The following VNN1 variants were observed in gnomAD, a reference collection of about 807,000 sequenced individuals.
VNN1 encodes vanin 1, also known as pantetheinase.
Under a neutral mutation model 41.9 loss-of-function variants are expected in VNN1, and 29 were observed. The ratio of observed to expected loss-of-function variants is 0.69; its 90% CI spans 0.52 to 0.94. VNN1 has a LOEUF of 0.94. Ranked by LOEUF, VNN1 falls within the 40% of genes least tolerant of loss-of-function variation. The pLI is 0.00. For synonymous variants in VNN1, 233 were observed against 224.4 expected (o/e 1.04, Z -0.34); for missense variants, 637 against 621.1 (o/e 1.03, Z -0.27).
Position 132,684,480 on chromosome 6 carries a change from G to A in VNN1, c.1214C>T (p.Thr405Met), listed in dbSNP as rs139377346. The A allele has an allele frequency of 1.0e-4, 168 of 1,613,974 alleles. No individual in the cohort carries two copies. The African/African-American group carries it at 1.7e-3, about 16-fold the overall frequency. ...GTCACCGCAAGTGTTTAAATTAGTC[G>A]TTTTACATTTCAACAGGGTACAAAT... is the stretch of plus-strand genomic sequence containing the variant. ...LQICTLLKCK[T>M]TNLNTCGDSA... Residue 405 changes from threonine (T) to methionine (M), a missense_variant, in exon 6 of 7, where the codon ACG becomes ATG. Physicochemically the swap from Thr to Met is moderately conservative, Grantham distance 81. Coordinates refer to ENST00000367928, the MANE Select transcript of VNN1 (RefSeq NM_004666.3).
chr6:132,689,278 C>CACACACAT (rs953337833), intron 5 of VNN1, among the ~76,000 whole-genome samples: 7 of 152,104 alleles, frequency 4.6e-5, no homozygotes, highest in African/African-American at 1.7e-4. Flanking sequence ...GAAACACACA[C>CACACACAT]ACACACATAC....
chr6:132,687,079 G>A (rs574763499), intron 5 of VNN1, among the ~76,000 whole-genome samples: 7 of 152,164 alleles, frequency 4.6e-5, no homozygotes, highest in African/African-American at 1.7e-4. Context: ...CCAATAATAA[G>A]AGTTTCAGAA....
At position 132,692,601 on chromosome 6, in the gene VNN1, G is replaced by A; in HGVS notation, c.827-17C>T. 2.0e-6 allele frequency: 3 copies of A among 1,537,234 alleles called. No homozygotes were observed. Among genetic ancestry groups the A allele is most frequent in the East Asian group, 2.3e-5 (1 of 44,280 alleles). ...TGCCACTTCCTGGAAGTAATAAGTTGAAAACATCATTTGAAATTGGAAAGT... is the reference window on the plus strand; with the variant it reads ...TGCCACTTCCTGGAAGTAATAAGTTAAAAACATCATTTGAAATTGGAAAGT... On this transcript the variant is annotated splice_polypyrimidine_tract_variant and intron_variant, in intron 4 of 6. Transcript: ENST00000367928.
At chr6:132,690,624 C>T (rs1778268687) in intron 5 of VNN1, among the ~76,000 whole-genome samples, 1 of 152,208 alleles carries the variant, frequency 6.6e-6, no homozygotes, top group Non-Finnish European at 1.5e-5. Context: ...TTACTAAAGA[C>T]TGAATTCTTC....
chr6:132,689,105 C>A (rs1188304490), intron 5 of VNN1, among the ~76,000 whole-genome samples: 2 of 152,194 alleles, frequency 1.3e-5, no homozygotes. Context: ...ACAGGGGTCA[C>A]AAACTCCTGA....
Position 132,692,926 on chromosome 6 carries a change from A to G in VNN1, c.826+98T>C, listed in dbSNP as rs941471961. 6.1e-6 allele frequency: 8 copies of G among 1,307,094 alleles called. 1 individual carries two copies. The South Asian group carries it at 1.3e-4, about 21-fold the overall frequency. 81.0% of individuals were successfully genotyped at this position (1,307,094 alleles called of 1,614,324 possible). A position where few individuals can be genotyped will look rare whatever the true frequency, so the allele number is the denominator to read the frequency against. On this transcript the variant is annotated intron_variant, in intron 4 of 6. Transcript: ENST00000367928. ...GTTCAAAAATTAAGAGCTGGAAAAC[A>G]TTGTATTAAGGAGTATGCGTTAGCT...
chr6:132,689,562 C>T (rs111599632), intron 5 of VNN1, among the ~76,000 whole-genome samples: 17 of 152,264 alleles, frequency 1.1e-4, no homozygotes, highest in African/African-American at 4.1e-4. Context: ...TTGGCATCTA[C>T]CAGATGTTCT....
chr6:132,684,042 C>T (rs1366864559), intron 6 of VNN1, among the ~76,000 whole-genome samples: 1 of 152,112 alleles, frequency 6.6e-6, no homozygotes, highest in Admixed American at 6.5e-5. Context: ...TCCAATGGCA[C>T]TGGTTCTGAA....
intron 2 of VNN1, 145 bp downstream of exon 2, chr6:132,711,564 G>T: frequency 1.1e-6 from 1 of 932,230 alleles, no homozygotes; most frequent in Non-Finnish European, 1.5e-6. Flanking sequence ...TGCTCTCCCA[G>T]TAAATATACC....
chr6:132,699,891 T>C (rs1778426741), intron 2 of VNN1, among the ~76,000 whole-genome samples: 1 of 152,176 alleles, frequency 6.6e-6, no homozygotes, highest in Admixed American at 6.5e-5. Context: ...ACCTCTGATA[T>C]GTAAGTTAGC....
At chr6:132,703,809 C>G (rs1173126827) in intron 2 of VNN1, among the ~76,000 whole-genome samples, 1 of 151,954 alleles carries the variant, frequency 6.6e-6, no homozygotes, top group Non-Finnish European at 1.5e-5. Flanking sequence ...CGATTGTGTA[C>G]AAGAAACACA....
At chr6:132,694,427 A>C (rs1428191838) in intron 2 of VNN1, among the ~76,000 whole-genome samples, 1 of 152,202 alleles carries the variant, frequency 6.6e-6, no homozygotes, top group African/African-American at 2.4e-5. Context: ...TCTTCATAGC[A>C]TTTATCGTAA....
At chr6:132,685,848 GA>G (rs1156828458) in intron 5 of VNN1, among the ~76,000 whole-genome samples, 1 of 152,204 alleles carries the variant, frequency 6.6e-6, no homozygotes, top group Non-Finnish European at 1.5e-5. Context: ...TGTTTCCAGA[GA>G]GGGTAAAGTG....
At chr6:132,698,898 C>T in intron 2 of VNN1, 1 of 201,826 alleles carries the variant, frequency 5.0e-6, no homozygotes, top group Non-Finnish European at 1.1e-5. Flanking sequence ...ATTGAGTTTG[C>T]ACATGATAGA....
chr6:132,709,020 C>T (rs1315419073), intron 2 of VNN1, among the ~76,000 whole-genome samples: 1 of 152,132 alleles, frequency 6.6e-6, no homozygotes, highest in Admixed American at 6.6e-5. Context: ...TCATTTCTTT[C>T]AGGTCTTTGC....
intron 3 of VNN1, 44 bp from the exon 4 acceptor site, chr6:132,693,359 G>A (rs779452284): frequency 1.3e-6 from 2 of 1,526,800 alleles, no homozygotes; most frequent in Admixed American, 4.1e-5. Flanking sequence ...ATTTTAGGAA[G>A]TTGATCTGGA....
At position 132,683,136 on chromosome 6, in the gene VNN1, T is replaced by C; in HGVS notation, c.*4A>G. The C allele has an allele frequency of 6.3e-7, 1 of 1,576,106 alleles. No individual in the cohort carries two copies. Among genetic ancestry groups the C allele is most frequent in the Non-Finnish European group, 8.6e-7 (1 of 1,165,068 alleles). On this transcript the variant is annotated 3_prime_UTR_variant, in exon 7 of 7. Coordinates refer to ENST00000367928, the MANE Select transcript of VNN1 (RefSeq NM_004666.3). ...CCAAATAAAAAAGAGAAAAAGTCAA[T>C]ATTCTACCAACTTAATGAGCATACA...
At position 132,711,787 on chromosome 6, in the gene VNN1, T is replaced by C. The variant is rs1287907738; in HGVS notation, c.263A>G (p.Asn88Ser). The change falls in exon 2 of 7, where the codon AAC becomes AGC. Residue 88 changes from asparagine to serine, a missense_variant. Coordinates refer to ENST00000367928, the MANE Select transcript of VNN1 (RefSeq NM_004666.3). Reference protein sequence around the residue: ...PEDAIYGWNFNRDSLYPYLED... With the variant: ...PEDAIYGWNFSRDSLYPYLED... ...CAAATATGGGTAGAGAGAGTCCCTG[T>C]TGAAGTTCCAGCCATAAATAGCATC... The C allele has an allele frequency of 6.2e-7, 1 of 1,614,032 alleles. No homozygotes were observed. Among genetic ancestry groups the C allele is most frequent in the South Asian group, 1.1e-5 (1 of 91,066 alleles).
intron 2 of VNN1, among the ~76,000 whole-genome samples, chr6:132,700,391 C>T (rs926059804): frequency 1.7e-4 from 26 of 152,144 alleles, no homozygotes; most frequent in African/African-American, 6.0e-4. Context: ...AAAGAGAGGG[C>T]CCTGACAAGG....
Sources: allele counts gnomAD v4.1 joint callset (sites outside exome capture counted in the v4.1 genomes callset), GRCh38; gene constraint gnomAD v4.1.1; transcripts MANE v1.5; gene names NCBI Gene and HGNC (gene_info 2026-07-23, HGNC 2026-07-21).